ANXA8: variants seen among roughly 807,000 people sequenced by gnomAD.
ANXA8 encodes annexin A8.
A neutral mutation model predicts 26.8 loss-of-function variants in ANXA8; 9 were observed. The observed-to-expected ratio is 0.34, with a 90% CI of 0.20 to 0.59. The LOEUF is 0.59. ANXA8 is among the 20% of genes least tolerant of loss of function. ANXA8 has a pLI of 0.84. For missense variants in ANXA8, 83 were observed against 238.5 expected (o/e 0.35, Z 4.29); for synonymous variants, 39 against 94.8 (o/e 0.41, Z 3.42).
At chr10:47,477,406 C>T (rs1489816710) in intron 3 of ANXA8, among the ~76,000 whole-genome samples, 3 of 147,424 alleles carry the variant, frequency 2.0e-5, no homozygotes, top group Non-Finnish European at 3.0e-5. Context: ...TGCTTCATCC[C>T]GTTGCTTAGG....
chr10:47,776,065 C>T, the ANXA8 span, among the ~76,000 whole-genome samples: 11 of 151,992 alleles, frequency 7.2e-5, no homozygotes, highest in Non-Finnish European at 1.3e-4. Flanking sequence ...CAGGAGAGGG[C>T]GCCAGTTGGT....
the ANXA8 span, among the ~76,000 whole-genome samples, chr10:47,497,471 T>C: frequency 6.9e-6 from 1 of 144,012 alleles, no homozygotes; most frequent in Non-Finnish European, 1.5e-5. Context: ...AATACAAAAT[T>C]AACTGGGCAT....
chr10:47,581,051 G>A, the ANXA8 span, among the ~76,000 whole-genome samples: 6 of 150,232 alleles, frequency 4.0e-5, no homozygotes, highest in African/African-American at 1.5e-4. Flanking sequence ...ACTCAACCTT[G>A]AGCAACAGAG....
At chr10:47,694,045 T>C in the ANXA8 span, among the ~76,000 whole-genome samples, 1 of 151,650 alleles carries the variant, frequency 6.6e-6, no homozygotes, top group Non-Finnish European at 1.5e-5. Flanking sequence ...CCTTTTCCGT[T>C]TTCCTAGGTA....
upstream of ANXA8, among the ~76,000 whole-genome samples, chr10:47,486,889 C>T (rs1358888710): frequency 6.7e-6 from 1 of 148,400 alleles, no homozygotes; most frequent in Non-Finnish European, 1.5e-5. Context: ...AGGAGAATTG[C>T]TTGAACCTGG....
At chr10:47,521,252 T>C in the ANXA8 span, among the ~76,000 whole-genome samples, 1 of 135,760 alleles carries the variant, frequency 7.4e-6, no homozygotes, top group Non-Finnish European at 1.5e-5. Flanking sequence ...ACACTACCCA[T>C]CTACTAACTG....
the ANXA8 span, among the ~76,000 whole-genome samples, chr10:47,937,535 G>T: frequency 7.0e-6 from 1 of 142,534 alleles, no homozygotes; most frequent in East Asian, 2.0e-4. Flanking sequence ...TGTGTCATGG[G>T]GATTTGTTGC....
chr10:47,688,554 T>A, the ANXA8 span, among the ~76,000 whole-genome samples: 1 of 151,698 alleles, frequency 6.6e-6, no homozygotes, highest in Non-Finnish European at 1.5e-5. Flanking sequence ...CCCGAGTAAC[T>A]GAGACTATAG....
At chr10:47,957,064 G>C in the ANXA8 span, among the ~76,000 whole-genome samples, 1 of 150,490 alleles carries the variant, frequency 6.6e-6, no homozygotes, top group Non-Finnish European at 1.5e-5. Flanking sequence ...AGTATCCTGG[G>C]CTGCAGATTC....
At chr10:47,883,368 C>T in the ANXA8 span, among the ~76,000 whole-genome samples, 1 of 7,748 alleles carries the variant, frequency 1.3e-4, no homozygotes, top group African/African-American at 7.2e-4. Flanking sequence ...TGTTGTCCAG[C>T]GTGTGACCAG....
the ANXA8 span, among the ~76,000 whole-genome samples, chr10:47,960,446 G>A: frequency 2.0e-5 from 3 of 147,948 alleles, no homozygotes; most frequent in East Asian, 6.5e-4. Context: ...ACAGAAGGAG[G>A]GAGCCAGCAT....
the ANXA8 span, among the ~76,000 whole-genome samples, chr10:47,924,685 T>C: frequency 6.6e-6 from 1 of 151,846 alleles, no homozygotes; most frequent in Non-Finnish European, 1.5e-5. Flanking sequence ...CAAGTGCTCT[T>C]TGAGCCAGCA....
At chr10:47,735,488 C>A in the ANXA8 span, among the ~76,000 whole-genome samples, 1 of 149,196 alleles carries the variant, frequency 6.7e-6, no homozygotes, top group Non-Finnish European at 1.5e-5. Context: ...TAATTGCTGC[C>A]AACATTTTAA....
the ANXA8 span, among the ~76,000 whole-genome samples, chr10:47,743,102 C>T: frequency 1.5e-3 from 208 of 134,862 alleles, 6 homozygotes; most frequent in East Asian, 0.041. Flanking sequence ...ACCCGGGAGG[C>T]GGAGCTTGTA....
the ANXA8 span, chr10:47,730,365 T>G: frequency 1.6e-6 from 1 of 608,716 alleles, no homozygotes; most frequent in Non-Finnish European, 2.8e-6. Flanking sequence ...CAGCTATCCA[T>G]TACAACAAGA....
chr10:47,907,144 A>G, the ANXA8 span, among the ~76,000 whole-genome samples: 1 of 151,950 alleles, frequency 6.6e-6, no homozygotes, highest in Admixed American at 6.5e-5. Flanking sequence ...TCACGAGGTC[A>G]GGAGATCGAG....
the ANXA8 span, among the ~76,000 whole-genome samples, chr10:47,670,130 CAT>C: frequency 6.6e-6 from 1 of 151,910 alleles, no homozygotes. Context: ...CCTTTTGTCA[CAT>C]GTTTTCATTT....
the ANXA8 span, among the ~76,000 whole-genome samples, chr10:47,693,982 G>A: frequency 2.0e-5 from 3 of 151,698 alleles, no homozygotes; most frequent in Non-Finnish European, 4.4e-5. Context: ...GCTGGATCCT[G>A]GACCATGGTC....
chr10:47,658,613 G>A, the ANXA8 span, among the ~76,000 whole-genome samples: 5 of 137,334 alleles, frequency 3.6e-5, no homozygotes, highest in African/African-American at 1.6e-4. Context: ...AAATAGGTTG[G>A]TTTGAGTTGT....
Sources: gnomAD v4.1 joint callset for allele counts (sites outside exome capture counted in the v4.1 genomes callset) on GRCh38, gnomAD v4.1.1 for gene constraint, MANE v1.5 for transcripts, NCBI Gene and HGNC (gene_info 2026-07-23, HGNC 2026-07-21) for gene names.